GPA33: variants seen among roughly 807,000 people sequenced by gnomAD.
GPA33 encodes glycoprotein A33, also known as cell surface A33 antigen.
A neutral mutation model predicts 35.6 loss-of-function variants in GPA33; 27 were observed. That is an observed-to-expected ratio of 0.76 (90% confidence interval 0.56 to 1.04). The LOEUF is 1.04. GPA33 is among the 50% of genes least tolerant of loss of function. The pLI, the probability that GPA33 is intolerant of heterozygous loss-of-function variation, is 0.00. For missense variants in GPA33, 428 were observed against 411.9 expected, an observed-to-expected ratio of 1.04 and a Z score of -0.34; for synonymous variants, 176 against 164.0, an observed-to-expected ratio of 1.07 and a Z score of -0.56.
At chr1:167,076,420 A>G (rs926785406) in intron 1 of GPA33, among the ~76,000 whole-genome samples, 14 of 152,292 alleles carry the variant, frequency 9.2e-5, no homozygotes, top group South Asian at 4.2e-4. Context: ...ATGAGGCTGC[A>G]GCATAAAGAA....
intron 4 of GPA33, among the ~76,000 whole-genome samples, chr1:167,057,059 G>T (rs1049346566): frequency 6.6e-6 from 1 of 151,262 alleles, no homozygotes; most frequent in Non-Finnish European, 1.5e-5. Flanking sequence ...GGTATGGGGG[G>T]TGGTGAATGT....
At chr1:167,080,273 C>G (rs1175494678) in intron 1 of GPA33, among the ~76,000 whole-genome samples, 1 of 152,216 alleles carries the variant, frequency 6.6e-6, no homozygotes, top group Non-Finnish European at 1.5e-5. Flanking sequence ...TAAGGTGTTA[C>G]TAACTAATAA....
At position 167,084,784 on chromosome 1, in the gene GPA33, C is replaced by T. The variant is rs528344724; in HGVS notation, c.43+5461G>A. ...AAGCATAAAGCAAAGACAAGCTGTCCCTGCCAAACACCATCCAAATTGCTA... is the reference window on the plus strand; with the variant it reads ...AAGCATAAAGCAAAGACAAGCTGTCTCTGCCAAACACCATCCAAATTGCTA... On this transcript the variant is annotated intron_variant, in intron 1 of 6. Coordinates refer to ENST00000367868, the MANE Select transcript of GPA33 (RefSeq NM_005814.3). 3.3e-5 allele frequency among the ~76,000 whole-genome samples: 5 copies of T among 152,280 alleles called. No homozygotes were observed. The South Asian group carries it at 1.0e-3, about 32-fold the overall frequency.
At chr1:167,063,558 C>A in intron 4 of GPA33, 24 bp downstream of exon 4, 1 of 1,581,816 alleles carries the variant, frequency 6.3e-7, no homozygotes, top group Admixed American at 1.8e-5. Flanking sequence ...CGTGGGGAGC[C>A]CGCCTTCCCT....
At chr1:167,061,596 T>G (rs977720385) in intron 4 of GPA33, among the ~76,000 whole-genome samples, 1 of 138,284 alleles carries the variant, frequency 7.2e-6, no homozygotes, top group African/African-American at 2.8e-5. Flanking sequence ...GTTTTTTTTT[T>G]TTTTTTTTTT....
intron 1 of GPA33, among the ~76,000 whole-genome samples, chr1:167,084,687 C>T (rs541519777): frequency 6.6e-6 from 1 of 152,294 alleles, no homozygotes; most frequent in African/African-American, 2.4e-5. Context: ...AGACTATATA[C>T]CAGCTTGTTA....
chr1:167,069,457 A>G (rs1262540135), intron 2 of GPA33, among the ~76,000 whole-genome samples: 2 of 152,172 alleles, frequency 1.3e-5, no homozygotes, highest in African/African-American at 4.8e-5. Flanking sequence ...TCTCTTATCC[A>G]TTCCATTTTC....
chr1:167,080,903 G>A (rs1049293293), intron 1 of GPA33, among the ~76,000 whole-genome samples: 2 of 152,162 alleles, frequency 1.3e-5, no homozygotes, highest in Non-Finnish European at 2.9e-5. Flanking sequence ...AGGATGGGTA[G>A]GATTTAAAAC....
intron 4 of GPA33, among the ~76,000 whole-genome samples, chr1:167,060,686 C>G (rs933048662): frequency 1.3e-5 from 2 of 152,240 alleles, no homozygotes; most frequent in African/African-American, 2.4e-5. Flanking sequence ...CCAGAAGAGT[C>G]TCCCTGTGGA....
At chr1:167,063,165 C>T (rs908042957) in intron 4 of GPA33, among the ~76,000 whole-genome samples, 30 of 152,200 alleles carry the variant, frequency 2.0e-4, no homozygotes, top group Admixed American at 1.8e-3. Context: ...CGATGGCTCA[C>T]GCCTGTAATC....
In GPA33 at chr1:167,090,375, T is replaced by A; in HGVS notation, c.-88A>T. On this transcript the variant is annotated 5_prime_UTR_variant, in exon 1 of 7. Transcript: ENST00000367868. ...CTGTCTGGTTAAAGCTACAGCAGCT[T>A]CTGGCCTGGCCCAACTGGAGGTCCC... 8.7e-7 allele frequency: 1 copy of A among 1,149,222 alleles called. No homozygotes were observed. Among genetic ancestry groups the A allele is most frequent in the Non-Finnish European group, 1.3e-6 (1 of 767,296 alleles). 71.2% of individuals were successfully genotyped at this position (1,149,222 alleles called of 1,614,324 possible).
At position 167,069,117 on chromosome 1, in the gene GPA33, AC is replaced by A. The variant is rs768867609; in HGVS notation, c.219del (p.Ser75GlnfsTer33). On this transcript the variant is annotated frameshift_variant, in exon 3 of 7. Coordinates refer to ENST00000367868, the MANE Select transcript of GPA33 (RefSeq NM_005814.3). LOFTEE classifies it high-confidence loss of function. ...CCATGGATGTAGTTTTTGTTTGAAA[AC>A]GGCCAGATGACCACCCTTTCCTGGA... Reference protein sequence around the residue: ...LTHTERVVIWPFSNKNYIHGE... With the variant: ...LTHTERVVIWXFSNKNYIHGE... 1 of 1,613,530 alleles carries A rather than the reference AC, an allele frequency of 6.2e-7. No homozygotes were observed. Among genetic ancestry groups the A allele is most frequent in the Non-Finnish European group, 8.5e-7 (1 of 1,179,606 alleles).
At chr1:167,071,426 C>T (rs538653884) in intron 2 of GPA33, among the ~76,000 whole-genome samples, 79 of 152,206 alleles carry the variant, frequency 5.2e-4, no homozygotes, top group African/African-American at 1.8e-3. Flanking sequence ...GACACCTGTG[C>T]GTGCAGTGCG....
In GPA33 at chr1:167,054,350, T is replaced by G; in HGVS notation, c.944A>C (p.Asp315Ala). The change falls in exon 7 of 7, where the codon GAC (aspartate) becomes GCC (alanine). Residue 315 changes from aspartate (D) to alanine (A), a missense_variant. Physicochemically the swap from Asp to Ala is moderately radical, Grantham distance 126 (BLOSUM62 -2). Transcript: ENST00000367868. ...EQRSTGRESP[D>A]HLDQ ...GCTGGCCTGTCACTGGTCGAGGTGG[T>G]CCGGGGATTCACGCCCAGTGCTCCT... 6.2e-7 allele frequency: 1 copy of G among 1,614,032 alleles called. No homozygotes were observed. The highest frequency in any genetic ancestry group is 8.5e-7 in the Non-Finnish European group (1 of 1,179,974).
At chr1:167,062,428 C>T (rs902181794) in intron 4 of GPA33, among the ~76,000 whole-genome samples, 9 of 150,690 alleles carry the variant, frequency 6.0e-5, no homozygotes, top group Non-Finnish European at 1.3e-4. Context: ...ACAATGTTGC[C>T]CAGACTGGTC....
intron 1 of GPA33, among the ~76,000 whole-genome samples, chr1:167,073,972 G>T (rs1314941289): frequency 2.0e-5 from 3 of 152,032 alleles, no homozygotes; most frequent in East Asian, 1.9e-4. Context: ...CCATCGTTTT[G>T]GTTGTGATGA....
chr1:167,058,113 C>A (rs1350749275), intron 4 of GPA33, among the ~76,000 whole-genome samples: 1 of 152,144 alleles, frequency 6.6e-6, no homozygotes, highest in African/African-American at 2.4e-5. Flanking sequence ...GCAAAAGAAT[C>A]GCTTGAACCT....
At chr1:167,083,252 C>T (rs193257862) in intron 1 of GPA33, among the ~76,000 whole-genome samples, 4 of 152,258 alleles carry the variant, frequency 2.6e-5, no homozygotes, top group African/African-American at 7.2e-5. Context: ...AGCTAGTGCC[C>T]CTTATCTATC....
Position 167,090,254 on chromosome 1 carries a change from G to A in GPA33, c.34C>T (p.Leu12Phe). The change falls in exon 1 of 7, where the codon CTC becomes TTC. Residue 12 changes from leucine (L) to phenylalanine (F), a missense_variant. Leu to Phe is a conservative substitution (Grantham distance 22). Transcript: ENST00000367868. ...VGKMWPVLWT[L>F]CAVRVTVDAI... is the part of the protein sequence containing the mutation. ...AAAGGGGCCTACTCACCTGCACAGAGTGTCCACAACACAGGCCACATCTTC... is the reference window on the plus strand; with the variant it reads ...AAAGGGGCCTACTCACCTGCACAGAATGTCCACAACACAGGCCACATCTTC... The A allele has an allele frequency of 1.2e-6, 2 of 1,613,142 alleles. No individual in the cohort carries two copies. The highest frequency in any genetic ancestry group is 2.2e-5 in the South Asian group (2 of 91,060).
Sources: gnomAD v4.1 joint callset for allele counts (sites outside exome capture counted in the v4.1 genomes callset) on GRCh38, gnomAD v4.1.1 for gene constraint, MANE v1.5 for transcripts, NCBI Gene and HGNC (gene_info 2026-07-23, HGNC 2026-07-21) for gene names.